Variants in PRUNE2 observed in about 807,000 individuals in gnomAD.
PRUNE2 encodes protein prune homolog 2.
Under a neutral mutation model 252.0 loss-of-function variants are expected in PRUNE2, and 164 were observed. The ratio of observed to expected loss-of-function variants is 0.65; its 90% CI spans 0.57 to 0.74. The LOEUF is 0.74. Among genes scored for constraint, PRUNE2 ranks in the 30% least tolerant of loss-of-function variants. The pLI, the probability that PRUNE2 is intolerant of heterozygous loss-of-function variation, is 0.00. For synonymous variants in PRUNE2, 1,292 were observed against 1,350.2 expected, an observed-to-expected ratio of 0.96 and a Z score of 0.94; for missense variants, 3,495 against 3,711.0, an observed-to-expected ratio of 0.94 and a Z score of 1.51.
Position 76,826,726 on chromosome 9 carries a change from A to G in PRUNE2, c.515T>C (p.Ile172Thr), listed in dbSNP as rs770558906. 12 of 1,605,056 alleles carry G rather than the reference A, an allele frequency of 7.5e-6. No individual in the cohort carries two copies. In the South Asian group the frequency reaches 1.1e-4, roughly 15 times the overall value. Residue 172 changes from isoleucine (I) to threonine (T), a missense_variant, in exon 5 of 19, where the codon ATT becomes ACT. Ile to Thr is a moderately conservative substitution (Grantham distance 89). Transcript: ENST00000376718. ...TTCCATGGTCATCCACTTGAAAAGA[A>G]TGCTACCTGAAAGGTATGAATAAAA... ...EQLAHRLRGS[I>T]LFKWMTMESE...
intron 9 of PRUNE2, chr9:76,692,059 C>G (rs1208791566): frequency 1.4e-6 from 1 of 717,454 alleles, no homozygotes; most frequent in South Asian, 1.5e-5. Flanking sequence ...AAAAGCTACA[C>G]CAGGACCCAC....
chr9:76,623,475 A>G (rs969030900), intron 17 of PRUNE2, among the ~76,000 whole-genome samples: 9 of 152,014 alleles, frequency 5.9e-5, no homozygotes, highest in African/African-American at 2.2e-4. Flanking sequence ...TTGTATTTTT[A>G]GTAGAGACGG....
intron 6 of PRUNE2, among the ~76,000 whole-genome samples, chr9:76,750,116 C>A (rs546448210): frequency 6.6e-6 from 1 of 152,032 alleles, no homozygotes; most frequent in Non-Finnish European, 1.5e-5. Flanking sequence ...CCTTCTCGAC[C>A]CCTAGGTACC....
At chr9:76,857,191 G>T in intron 1 of PRUNE2, 1 of 453,714 alleles carries the variant, frequency 2.2e-6, no homozygotes, top group Non-Finnish European at 4.4e-6. Context: ...ACAGTTTCCA[G>T]GCTTCAGCAC....
intron 9 of PRUNE2, among the ~76,000 whole-genome samples, chr9:76,691,653 G>A (rs1429284035): frequency 6.6e-6 from 1 of 152,120 alleles, no homozygotes; most frequent in Non-Finnish European, 1.5e-5. Flanking sequence ...CTCTACCAGA[G>A]CTGTCCTGCT....
At chr9:76,860,382 C>T (rs145080788) in intron 1 of PRUNE2, among the ~76,000 whole-genome samples, 4 of 152,290 alleles carry the variant, frequency 2.6e-5, no homozygotes, top group African/African-American at 9.6e-5. Flanking sequence ...TTAGTATTTA[C>T]AAGTACAGTT....
intron 9 of PRUNE2, among the ~76,000 whole-genome samples, chr9:76,700,663 T>C (rs1167758872): frequency 6.6e-6 from 1 of 152,236 alleles, no homozygotes; most frequent in Non-Finnish European, 1.5e-5. Context: ...CTTGAAAGTA[T>C]AATAATTTTT....
At chr9:76,883,298 C>T (rs527267478) in intron 1 of PRUNE2, among the ~76,000 whole-genome samples, 8 of 152,316 alleles carry the variant, frequency 5.3e-5, no homozygotes, top group African/African-American at 1.2e-4. Flanking sequence ...AAAAAAACAT[C>T]GCACCTTTCG....
intron 9 of PRUNE2, among the ~76,000 whole-genome samples, chr9:76,673,872 T>A (rs2134005796): frequency 6.6e-6 from 1 of 152,264 alleles, no homozygotes; most frequent in Middle Eastern, 3.4e-3. Flanking sequence ...TGCTAAAAAC[T>A]CTCAATAAAT....
chr9:76,719,301 A>G (rs534294751), intron 6 of PRUNE2, among the ~76,000 whole-genome samples: 2 of 152,202 alleles, frequency 1.3e-5, no homozygotes, highest in Non-Finnish European at 2.9e-5. Flanking sequence ...AATCAATGAA[A>G]AAAGGATATA....
intron 1 of PRUNE2, among the ~76,000 whole-genome samples, chr9:76,882,293 T>C (rs923066187): frequency 6.6e-6 from 1 of 152,218 alleles, no homozygotes; most frequent in East Asian, 1.9e-4. Flanking sequence ...ACCTCATATA[T>C]GATGATTATA....
At position 76,710,008 on chromosome 9, in the gene PRUNE2, G is replaced by C. The variant is rs1373412186; in HGVS notation, c.2266C>G (p.Gln756Glu). 6.2e-7 allele frequency: 1 copy of C among 1,613,594 alleles called. No homozygotes were observed. Among genetic ancestry groups the C allele is most frequent in the Non-Finnish European group, 8.5e-7 (1 of 1,179,784 alleles). Residue 756 changes from glutamine (Q) to glutamate (E), a missense_variant, in exon 8 of 19, where the codon CAA becomes GAA. Transcript: ENST00000376718. Reference sequence around the variant, plus strand: ...TCTTCTATCAGGTGGTTTGTTCCTTGGGGAGATGTATTTGGCAAAGGTGAC... The same window carrying C: ...TCTTCTATCAGGTGGTTTGTTCCTTCGGGAGATGTATTTGGCAAAGGTGAC... ...EKSPLPNTSP[Q>E]GTNHLIEDFA... is the part of the protein sequence containing the mutation.
intron 6 of PRUNE2, among the ~76,000 whole-genome samples, chr9:76,760,370 T>C (rs570076409): frequency 6.6e-6 from 1 of 152,334 alleles, no homozygotes; most frequent in South Asian, 2.1e-4. Flanking sequence ...CCTCATCACC[T>C]AGGGCAGATA....
chr9:76,709,451 G>A lies in PRUNE2; in HGVS notation c.2823C>T (p.Phe941=). ...TGTAATCAGAACATTTGTAAGATAA[G>A]AAGGAATCTTCCCAAGGAACTAGGA... ...SDVLVPWEDS[F]LSYKCSDYSA... is the part of the protein sequence containing the mutation. Residue 941 remains phenylalanine (F), a synonymous_variant, in exon 8 of 19, where the codon TTC becomes TTT. Transcript: ENST00000376718. 1.9e-6 allele frequency: 3 copies of A among 1,613,960 alleles called. No homozygotes were observed. Among genetic ancestry groups the A allele is most frequent in the Non-Finnish European group, 2.5e-6 (3 of 1,179,862 alleles).
In PRUNE2 at chr9:76,688,505, A is replaced by G. The variant is rs568627089; in HGVS notation, c.8276+14832T>C. Among the ~76,000 whole-genome samples, 3 of 152,318 alleles carry G rather than the reference A, an allele frequency of 2.0e-5. No homozygotes were observed. The East Asian group carries it at 5.8e-4, about 29-fold the overall frequency. ...TGATGACCTTTCACAGGGCTTGCCA[A>G]TTCTTCTGTGGGCACCTCCCCAGTA... On this transcript the variant is annotated intron_variant, in intron 9 of 18. Transcript: ENST00000376718.
At chr9:76,657,810 G>A (rs1441796847) in intron 9 of PRUNE2, among the ~76,000 whole-genome samples, 1 of 152,182 alleles carries the variant, frequency 6.6e-6, no homozygotes, top group Admixed American at 6.5e-5. Context: ...ACTATAATTT[G>A]GGCATTAGTC....
chr9:76,665,506 T>A (rs1037972503), intron 9 of PRUNE2, among the ~76,000 whole-genome samples: 1 of 152,174 alleles, frequency 6.6e-6, no homozygotes, highest in Non-Finnish European at 1.5e-5. Flanking sequence ...CATGTTCCTA[T>A]GATTTCCTGT....
intron 18 of PRUNE2, among the ~76,000 whole-genome samples, chr9:76,616,979 C>CATAA (rs879485187): frequency 0.014 from 2,063 of 150,806 alleles, 53 homozygotes; most frequent in African/African-American, 0.043. Context: ...TAAATAAATA[C>CATAA]ATAAATAAAT....
intron 4 of PRUNE2, among the ~76,000 whole-genome samples, chr9:76,841,649 G>T (rs2059400639): frequency 6.6e-6 from 1 of 152,172 alleles, no homozygotes; most frequent in South Asian, 2.1e-4. Flanking sequence ...TGAGTAGGTG[G>T]TTTTCCCCTC....
Sources: gnomAD v4.1 joint callset for allele counts (sites outside exome capture counted in the v4.1 genomes callset) on GRCh38, gnomAD v4.1.1 for gene constraint, MANE v1.5 for transcripts, NCBI Gene and HGNC (gene_info 2026-07-23, HGNC 2026-07-21) for gene names.